The following SLC25A26 variants were observed in gnomAD, a reference collection of about 807,000 sequenced individuals.
SLC25A26 encodes mitochondrial S-adenosylmethionine carrier protein.
Under a neutral mutation model 37.8 loss-of-function variants are expected in SLC25A26, and 36 were observed. The ratio of observed to expected loss-of-function variants is 0.95; its 90% CI spans 0.73 to 1.26. SLC25A26 has a LOEUF of 1.26. SLC25A26 is among the 50% of genes most tolerant of loss of function. The probability of loss-of-function intolerance (pLI) is 0.00; values close to 1 mark genes in which losing one functional copy is unlikely to be tolerated. For synonymous variants in SLC25A26, 129 were observed against 122.5 expected (o/e 1.05, Z -0.35); for missense variants, 390 against 331.1 (o/e 1.18, Z -1.38).
rs1009980063 is a variant in SLC25A26, at chr3:66,160,429, G to A, written c.-354+26445G>A. 5.9e-5 allele frequency among the ~76,000 whole-genome samples: 9 copies of A among 152,272 alleles called. No individual in the cohort carries two copies. The South Asian group carries it at 6.2e-4, about 11-fold the overall frequency. ...ATGTTCAGAGCCAAAACACTGTCAAGATGACTGATCAATTCCGTTAAAATA... is the reference window on the plus strand; with the variant it reads ...ATGTTCAGAGCCAAAACACTGTCAAAATGACTGATCAATTCCGTTAAAATA... On this transcript the variant is annotated intron_variant, in intron 1 of 10. Coordinates refer to the SLC25A26 transcript ENST00000676754.
rs535311679 is a variant in SLC25A26 at position 66,304,918 on chromosome 3, C to T, written c.454-41446C>T. Among the ~76,000 whole-genome samples, 5 of 152,194 alleles carry T rather than the reference C, an allele frequency of 3.3e-5. No individual in the cohort carries two copies. In the South Asian group the frequency reaches 1.0e-3, roughly 32 times the overall value. On this transcript the variant is annotated intron_variant, in intron 5 of 9. Coordinates refer to ENST00000354883, the MANE Select transcript of SLC25A26 (RefSeq NM_001379210.1). ...CTGATAAACTCACAACCATTTTACCCCATAATGTTAAGAAACTCAAAAGAT... is the reference window on the plus strand; with the variant it reads ...CTGATAAACTCACAACCATTTTACCTCATAATGTTAAGAAACTCAAAAGAT...
intron 5 of SLC25A26, among the ~76,000 whole-genome samples, chr3:66,345,699 CTG>C (rs2076305782): frequency 6.6e-6 from 1 of 152,130 alleles, no homozygotes; most frequent in African/African-American, 2.4e-5. Flanking sequence ...TCTCTCTCCT[CTG>C]TGTTTCTCCT....
At chr3:66,222,943 G>A (rs552766282) in intron 1 of SLC25A26, among the ~76,000 whole-genome samples, 9 of 152,242 alleles carry the variant, frequency 5.9e-5, no homozygotes, top group African/African-American at 1.4e-4. Flanking sequence ...GAATCAATAG[G>A]TGGAAGTTTC....
At chr3:66,360,934 T>G (rs1207657134) in intron 6 of SLC25A26, among the ~76,000 whole-genome samples, 3 of 152,174 alleles carry the variant, frequency 2.0e-5, no homozygotes, top group Non-Finnish European at 2.9e-5. Context: ...GCAAAATATT[T>G]AGAATAGGTA....
chr3:66,191,586 C>T (rs889871754), intron 1 of SLC25A26, among the ~76,000 whole-genome samples: 1 of 151,928 alleles, frequency 6.6e-6, no homozygotes, highest in Non-Finnish European at 1.5e-5. Flanking sequence ...GTGTTCCCCC[C>T]AAATTTGTAA....
chr3:66,167,592 GTAAAA>G (rs1262465982), intron 1 of SLC25A26, among the ~76,000 whole-genome samples: 1 of 152,100 alleles, frequency 6.6e-6, no homozygotes, highest in African/African-American at 2.4e-5. Flanking sequence ...TAAGGGCCAA[GTAAAA>G]TAAAATTTTT....
chr3:66,346,225 T>C, intron 5 of SLC25A26, 139 bp from the exon 6 acceptor site: 1 of 464,928 alleles, frequency 2.2e-6, no homozygotes, highest in Non-Finnish European at 3.8e-6. Context: ...TTCTAAACAT[T>C]ATGTCTACTA....
chr3:66,284,222 A>C (rs1455509775), intron 5 of SLC25A26, among the ~76,000 whole-genome samples: 1 of 151,830 alleles, frequency 6.6e-6, no homozygotes, highest in Non-Finnish European at 1.5e-5. Context: ...GGTGGTGCAC[A>C]CCCATAGTCC....
At chr3:66,325,807 A>C (rs185252670) in intron 5 of SLC25A26, among the ~76,000 whole-genome samples, 6 of 152,328 alleles carry the variant, frequency 3.9e-5, no homozygotes, top group African/African-American at 1.4e-4. Context: ...TAAATGCAAC[A>C]GAAAATCACT....
intron 6 of SLC25A26, among the ~76,000 whole-genome samples, chr3:66,348,744 C>T (rs376900628): frequency 4.6e-5 from 7 of 152,116 alleles, no homozygotes; most frequent in Non-Finnish European, 7.4e-5. Flanking sequence ...GATTTTAAGG[C>T]GTAGTATTGC....
At chr3:66,168,200 T>TATACAC (rs1553649663) in intron 1 of SLC25A26, among the ~76,000 whole-genome samples, 5,602 of 114,816 alleles carry the variant, frequency 0.049, 351 homozygotes, top group African/African-American at 0.16. Flanking sequence ...TATATATATA[T>TATACAC]ACACACACAC....
chr3:66,247,676 A>G (rs991402253), intron 3 of SLC25A26, among the ~76,000 whole-genome samples: 3 of 152,200 alleles, frequency 2.0e-5, no homozygotes, highest in Non-Finnish European at 4.4e-5. Context: ...TGCCAAATTT[A>G]TGAAGTTTGT....
At chr3:66,315,589 T>G (rs1403857412) in intron 5 of SLC25A26, among the ~76,000 whole-genome samples, 1 of 152,230 alleles carries the variant, frequency 6.6e-6, no homozygotes, top group African/African-American at 2.4e-5. Context: ...GAATGCATAT[T>G]CTGTTGTTTT....
intron 1 of SLC25A26, among the ~76,000 whole-genome samples, chr3:66,172,410 GAAAAAA>G (rs1199322248): frequency 1.2e-4 from 9 of 75,214 alleles, no homozygotes; most frequent in Admixed American, 3.7e-4. Flanking sequence ...TACCTGTAAA[GAAAAAA>G]AAAAAAAAAA....
intron 1 of SLC25A26, among the ~76,000 whole-genome samples, chr3:66,168,786 T>C (rs2070458249): frequency 6.6e-6 from 1 of 152,150 alleles, no homozygotes; most frequent in Non-Finnish European, 1.5e-5. Flanking sequence ...TTCTTAAAAA[T>C]TGATCGATAG....
At chr3:66,155,236 G>A (rs36178736) in intron 1 of SLC25A26, among the ~76,000 whole-genome samples, 24,645 of 152,238 alleles carry the variant, frequency 0.16, 2,189 homozygotes, top group Middle Eastern at 0.19. Flanking sequence ...GTGGCCGGGC[G>A]TGGTGGCTCA....
intron 5 of SLC25A26, among the ~76,000 whole-genome samples, chr3:66,327,103 C>G (rs1483550722): frequency 6.6e-6 from 1 of 152,200 alleles, no homozygotes; most frequent in Non-Finnish European, 1.5e-5. Context: ...TAGGTGGGAA[C>G]TTCTTCAGCT....
At chr3:66,137,217 C>CTTCT (rs2069959656) in intron 1 of SLC25A26, among the ~76,000 whole-genome samples, 1 of 118,838 alleles carries the variant, frequency 8.4e-6, no homozygotes, top group South Asian at 2.8e-4. Flanking sequence ...GATTTTCTTT[C>CTTCT]TTTTTTTTTT....
Position 66,340,953 on chromosome 3 carries a change from A to C in SLC25A26, c.454-5411A>C, listed in dbSNP as rs183685977. On this transcript the variant is annotated intron_variant, in intron 5 of 9. Coordinates refer to ENST00000354883, the MANE Select transcript of SLC25A26 (RefSeq NM_001379210.1). Reference sequence around the variant, plus strand: ...AGAAATTCTGTTGGAGAGAGAGAGAATGTGTGTGTGTGTGTTGATTCCTTA... The same window carrying C: ...AGAAATTCTGTTGGAGAGAGAGAGACTGTGTGTGTGTGTGTTGATTCCTTA... 5.3e-5 allele frequency among the ~76,000 whole-genome samples: 8 copies of C among 151,566 alleles called. No homozygotes were observed. In the East Asian group the frequency reaches 1.4e-3, roughly 26 times the overall value.
Sources: allele counts gnomAD v4.1 joint callset (sites outside exome capture counted in the v4.1 genomes callset), GRCh38; gene constraint gnomAD v4.1.1; transcripts MANE v1.5; gene names NCBI Gene and HGNC (gene_info 2026-07-23, HGNC 2026-07-21).